The following KIRREL3 variants were observed in gnomAD, a reference collection of about 807,000 sequenced individuals.
KIRREL3 encodes the protein kin of IRRE-like protein 3.
A neutral mutation model predicts 89.7 loss-of-function variants in KIRREL3; 36 were observed. That is an observed-to-expected ratio of 0.40 (90% CI 0.31 to 0.53). The LOEUF (loss-of-function observed/expected upper bound fraction) is 0.53, where lower values mean the gene tolerates loss of function less well. KIRREL3 is among the 20% of genes least tolerant of loss of function. The pLI is 0.49. For synonymous variants in KIRREL3, 445 were observed against 441.4 expected, an observed-to-expected ratio of 1.01 and a Z score of -0.10; for missense variants, 864 against 1,056.6, an observed-to-expected ratio of 0.82 and a Z score of 2.53.
At position 126,622,755 on chromosome 11, in the gene KIRREL3, G is replaced by A. The variant is rs1943625753; in HGVS notation, c.56-59843C>T. On this transcript the variant is annotated intron_variant, in intron 1 of 16. Coordinates refer to ENST00000525144, the MANE Select transcript of KIRREL3 (RefSeq NM_032531.4). The surrounding 1 kb of genome is among the most constrained non-coding windows in gnomAD (Gnocchi z 5.2). ...TGGAGACTAGATTCTTGACTACTAG[G>A]AACTCAAACTCTAAAAGGAGAAAAT... is the stretch of plus-strand genomic sequence containing the variant. Among the ~76,000 whole-genome samples, 3 of 152,130 alleles carry A rather than the reference G, an allele frequency of 2.0e-5. No homozygotes were observed. In the South Asian group the frequency reaches 6.2e-4, roughly 32 times the overall value.
At position 126,569,578 on chromosome 11, in the gene KIRREL3, A is replaced by G. The variant is rs4347407; in HGVS notation, c.56-6666T>C. ...ATACTATAATCCAGTTGGCTATACA[A>G]GACATATACTTAAGAAAAGGTAACT... On this transcript the variant is annotated intron_variant, in intron 1 of 16. Transcript: ENST00000525144. This position sits in a 1 kb window ranked among gnomAD's most constrained non-coding sequence, Gnocchi z 6.5. 5.5e-3 allele frequency among the ~76,000 whole-genome samples: 841 copies of G among 152,342 alleles called. 4 individuals carry two copies. Among genetic ancestry groups the G allele is most frequent in the African/African-American group, 0.019 (807 of 41,578 alleles).
Position 126,776,849 on chromosome 11 carries a change from CT to C in KIRREL3, c.56-213938del, listed in dbSNP as rs921346535. On this transcript the variant is annotated intron_variant, in intron 1 of 16. Coordinates refer to ENST00000525144, the MANE Select transcript of KIRREL3 (RefSeq NM_032531.4). The surrounding 1 kb of genome is among the most constrained non-coding windows in gnomAD (Gnocchi z 4.7). ...TCATACCCAGCCAGCAGTGTCCCAG[CT>C]TTCCTGGCCCTGCCTGGGGTAGTCC... Among the ~76,000 whole-genome samples the C allele has an allele frequency of 3.9e-5, 6 of 152,242 alleles. No individual in the cohort carries two copies. The highest frequency in any genetic ancestry group is 2.0e-4 in the Admixed American group (3 of 15,286).
rs1949571021 is a variant in KIRREL3, at chr11:126,976,158, C to T, written c.55+24297G>A. On this transcript the variant is annotated intron_variant, in intron 1 of 16. Coordinates refer to ENST00000525144, the MANE Select transcript of KIRREL3 (RefSeq NM_032531.4). The surrounding 1 kb of genome is among the most constrained non-coding windows in gnomAD (Gnocchi z 4.2). ...ATTTGTCACCATGCCACATTGTTAGCTCATATTGAGATTTCAATAAGATAA... is the reference window on the plus strand; with the variant it reads ...ATTTGTCACCATGCCACATTGTTAGTTCATATTGAGATTTCAATAAGATAA... 6.6e-6 allele frequency among the ~76,000 whole-genome samples: 1 copy of T among 151,914 alleles called. No homozygotes were observed. The highest frequency in any genetic ancestry group is 1.5e-5 in the Non-Finnish European group (1 of 68,010).
chr11:126,998,241 CA>C (rs1950227986), intron 1 of KIRREL3, among the ~76,000 whole-genome samples: 1 of 152,174 alleles, frequency 6.6e-6, no homozygotes. Flanking sequence ...AACAAATTTC[CA>C]CAGATCAAGG....
At chr11:126,727,254 C>T (rs796928344) in intron 1 of KIRREL3, among the ~76,000 whole-genome samples, 1 of 152,250 alleles carries the variant, frequency 6.6e-6, no homozygotes, top group African/African-American at 2.4e-5. Flanking sequence ...TGGCCACTCT[C>T]CCTGCACAGA....
chr11:126,974,181 C>T (rs989922767), intron 1 of KIRREL3, among the ~76,000 whole-genome samples: 1 of 152,138 alleles, frequency 6.6e-6, no homozygotes, highest in Non-Finnish European at 1.5e-5. Flanking sequence ...ACAGACTTGT[C>T]CATCTCTTTG....
At chr11:126,660,477 G>A (rs569755451) in intron 1 of KIRREL3, among the ~76,000 whole-genome samples, 25 of 152,178 alleles carry the variant, frequency 1.6e-4, no homozygotes, top group African/African-American at 4.8e-4. Flanking sequence ...ATTTTGGATC[G>A]TCTGCACTGC....
Position 126,900,451 on chromosome 11 carries a change from C to A in KIRREL3, c.55+100004G>T, listed in dbSNP as rs923021710. Among the ~76,000 whole-genome samples, 1 of 152,184 alleles carries A rather than the reference C, an allele frequency of 6.6e-6. No individual in the cohort carries two copies. The highest frequency in any genetic ancestry group is 2.4e-5 in the African/African-American group (1 of 41,448). Reference sequence around the variant, plus strand: ...TAACAACCTGATAGGAATGCATATTCCTTCTCCAATTCCCTTTCCTTCTGC... The same window carrying A: ...TAACAACCTGATAGGAATGCATATTACTTCTCCAATTCCCTTTCCTTCTGC... On this transcript the variant is annotated intron_variant, in intron 1 of 16. Transcript: ENST00000525144. This position sits in a 1 kb window ranked among gnomAD's most constrained non-coding sequence, Gnocchi z 4.4.
At chr11:126,505,574 T>A (rs895091727) in intron 4 of KIRREL3, among the ~76,000 whole-genome samples, 13 of 151,054 alleles carry the variant, frequency 8.6e-5, no homozygotes, top group Non-Finnish European at 1.5e-4. Flanking sequence ...TCCATCTCTT[T>A]AAAAAAAAAT....
At chr11:126,861,371 C>T (rs1033044078) in intron 1 of KIRREL3, among the ~76,000 whole-genome samples, 3 of 152,100 alleles carry the variant, frequency 2.0e-5, no homozygotes, top group Non-Finnish European at 2.9e-5. Flanking sequence ...GAACTGGGAC[C>T]ACCCAGAAGA....
At chr11:126,864,138 T>C (rs1944842821) in intron 1 of KIRREL3, among the ~76,000 whole-genome samples, 1 of 152,224 alleles carries the variant, frequency 6.6e-6, no homozygotes, top group South Asian at 2.1e-4. Context: ...AGGATGCAAC[T>C]TATAAAAGCC....
chr11:126,974,882 A>C (rs933136315), intron 1 of KIRREL3, among the ~76,000 whole-genome samples: 1 of 151,956 alleles, frequency 6.6e-6, no homozygotes, highest in Non-Finnish European at 1.5e-5. Flanking sequence ...ATTTTTGTAT[A>C]TATTTTTAAA....
chr11:126,958,827 T>A (rs1306857368), intron 1 of KIRREL3, among the ~76,000 whole-genome samples: 3 of 152,216 alleles, frequency 2.0e-5, no homozygotes, highest in African/African-American at 7.2e-5. Flanking sequence ...CTCCTCTAAG[T>A]GCCCCTTGTG....
At position 126,687,972 on chromosome 11, in the gene KIRREL3, C is replaced by A. The variant is rs1206679353; in HGVS notation, c.56-125060G>T. On this transcript the variant is annotated intron_variant, in intron 1 of 16. Coordinates refer to ENST00000525144, the MANE Select transcript of KIRREL3 (RefSeq NM_032531.4). This position sits in a 1 kb window ranked among gnomAD's most constrained non-coding sequence, Gnocchi z 4.6. The stretch of plus-strand genomic sequence containing the variant: ...TAGGTGTATCAAAGGTATTCCAGTG[C>A]CAGTTAAATTTGAGAGAGAAATCAT... Among the ~76,000 whole-genome samples, 2 of 152,168 alleles carry A rather than the reference C, an allele frequency of 1.3e-5. No individual in the cohort carries two copies. The highest frequency in any genetic ancestry group is 4.8e-5 in the African/African-American group (2 of 41,442).
In KIRREL3 at chr11:126,872,434, CCTG is replaced by C. The variant is rs754756731; in HGVS notation, c.55+128018_55+128020del. Among the ~76,000 whole-genome samples the C allele has an allele frequency of 6.5e-4, 99 of 152,278 alleles. No homozygotes were observed. Among genetic ancestry groups the C allele is most frequent in the Non-Finnish European group, 5.9e-4 (40 of 68,024 alleles). ...GCCCTGCTCAGCAAGGAGCGGCTCCCCTGCTGCTGCTGTATGCTGCCACTTCAA... is the reference window on the plus strand; with the variant it reads ...GCCCTGCTCAGCAAGGAGCGGCTCCCCTGCTGCTGTATGCTGCCACTTCAA... On this transcript the variant is annotated intron_variant, in intron 1 of 16. Transcript: ENST00000525144. This position sits in a 1 kb window ranked among gnomAD's most constrained non-coding sequence, Gnocchi z 4.2.
chr11:126,915,361 A>AT lies in KIRREL3; in HGVS notation c.55+85093dup, dbSNP rs545832130. 2.2e-4 allele frequency among the ~76,000 whole-genome samples: 33 copies of AT among 149,900 alleles called. No homozygotes were observed. In the South Asian group the frequency reaches 2.3e-3, roughly 11 times the overall value. On this transcript the variant is annotated intron_variant, in intron 1 of 16. Transcript: ENST00000525144. ...TTAGGAAATTGAATTTCAGCTCTGT[A>AT]TTTTTTTTTTAAAGCTCGCTGCTTG...
intron 1 of KIRREL3, among the ~76,000 whole-genome samples, chr11:126,743,976 G>C (rs761895908): frequency 5.3e-5 from 8 of 152,194 alleles, no homozygotes; most frequent in Admixed American, 2.0e-4. Flanking sequence ...TTTCTGCTTG[G>C]CTTCATCAGG....
At chr11:126,757,864 G>A (rs908891099) in intron 1 of KIRREL3, among the ~76,000 whole-genome samples, 7 of 152,192 alleles carry the variant, frequency 4.6e-5, no homozygotes, top group African/African-American at 1.4e-4. Flanking sequence ...TCTGTACATT[G>A]AGATACTAGA....
At chr11:126,799,805 T>TGGA (rs1950975072) in intron 1 of KIRREL3, among the ~76,000 whole-genome samples, 1 of 152,130 alleles carries the variant, frequency 6.6e-6, no homozygotes, top group Non-Finnish European at 1.5e-5. Context: ...TGATTTCTTA[T>TGGA]GGAGACACTA....
Sources: allele counts gnomAD v4.1 joint callset (sites outside exome capture counted in the v4.1 genomes callset), GRCh38; gene constraint gnomAD v4.1.1; non-coding constraint Gnocchi (gnomAD v3.1); transcripts MANE v1.5; gene names NCBI Gene and HGNC (gene_info 2026-07-23, HGNC 2026-07-21).